Variants in UBXN2A observed in about 807,000 individuals in gnomAD.
The protein encoded by UBXN2A is UBX domain protein 2A.
A neutral mutation model predicts 28.4 loss-of-function variants in UBXN2A; 28 were observed. The observed-to-expected ratio is 0.99, with a 90% CI of 0.73 to 1.35. The LOEUF is 1.35. Among genes scored for constraint, UBXN2A ranks in the 40% most tolerant of loss-of-function variants. The probability of loss-of-function intolerance (pLI) is 0.00; values close to 1 mark genes in which losing one functional copy is unlikely to be tolerated. For synonymous variants in UBXN2A, 97 were observed against 103.6 expected, an observed-to-expected ratio of 0.94 and a Z score of 0.39; for missense variants, 253 against 297.9, an observed-to-expected ratio of 0.85 and a Z score of 1.11.
chr2:23,970,732 A>G (rs760764030), intron 2 of UBXN2A, among the ~76,000 whole-genome samples: 5 of 151,908 alleles, frequency 3.3e-5, no homozygotes, highest in Non-Finnish European at 7.4e-5. Context: ...TTTTCCTGCA[A>G]CTAGATGGTC....
intron 1 of UBXN2A, chr2:23,944,158 C>T (rs1705915772): frequency 6.4e-6 from 7 of 1,098,958 alleles, no homozygotes; most frequent in Admixed American, 1.7e-5. Flanking sequence ...ACTCATTGGT[C>T]CCTGTGTCTG....
chr2:23,944,346 G>A (rs1297237713), intron 1 of UBXN2A: 4 of 1,582,642 alleles, frequency 2.5e-6, no homozygotes, highest in South Asian at 1.1e-5. Context: ...GCTGGCAGCT[G>A]TGTGAAGAAC....
rs765625755 is a variant in UBXN2A, at chr2:23,973,821, G to A, written c.180+2407G>A. ...CTAATTTTTGCATTTTAGTTGAGAC[G>A]GGGTTTCACCATGTTGGACAGGCTG... On this transcript the variant is annotated intron_variant, in intron 3 of 6. Coordinates refer to ENST00000309033, the MANE Select transcript of UBXN2A (RefSeq NM_181713.4). 7.9e-5 allele frequency among the ~76,000 whole-genome samples: 12 copies of A among 151,256 alleles called. No individual in the cohort carries two copies. The East Asian group carries it at 1.2e-3, about 15-fold the overall frequency.
chr2:23,936,545 CAAA>C (rs558126613), upstream of UBXN2A, among the ~76,000 whole-genome samples: 12 of 133,142 alleles, frequency 9.0e-5, no homozygotes, highest in Non-Finnish European at 1.8e-4. Flanking sequence ...AATCCTACCT[CAAA>C]AAAAAAAAGA....
At chr2:23,951,455 T>G (rs1339974382) in intron 1 of UBXN2A, among the ~76,000 whole-genome samples, 1 of 86,150 alleles carries the variant, frequency 1.2e-5, no homozygotes, top group African/African-American at 3.7e-5. Context: ...TATATATATA[T>G]ATATATATAG....
At chr2:23,952,035 C>T (rs550019284) in intron 1 of UBXN2A, among the ~76,000 whole-genome samples, 2 of 146,924 alleles carry the variant, frequency 1.4e-5, no homozygotes, top group Admixed American at 7.0e-5. Context: ...GGTATGATCT[C>T]GGCTCACTGC....
chr2:23,979,389 G>A (rs542440804), intron 4 of UBXN2A, among the ~76,000 whole-genome samples: 1 of 151,816 alleles, frequency 6.6e-6, no homozygotes, highest in Admixed American at 6.6e-5. Context: ...TAACCACTCT[G>A]AAGTAACTGC....
intron 6 of UBXN2A, among the ~76,000 whole-genome samples, chr2:23,995,553 C>T (rs1708497049): frequency 6.6e-6 from 1 of 151,668 alleles, no homozygotes; most frequent in Non-Finnish European, 1.5e-5. Flanking sequence ...ATTAGCCAGG[C>T]GTGGTAGCGG....
intron 6 of UBXN2A, among the ~76,000 whole-genome samples, chr2:23,986,900 G>T (rs1229764069): frequency 6.6e-6 from 1 of 151,798 alleles, no homozygotes; most frequent in Admixed American, 6.6e-5. Flanking sequence ...GAGCCACCGT[G>T]CCCAGCCTTC....
chr2:23,982,870 A>G, intron 4 of UBXN2A, 26 bp from the exon 5 acceptor site: 1 of 1,576,372 alleles, frequency 6.3e-7, no homozygotes, highest in Non-Finnish European at 8.6e-7. Flanking sequence ...TGGGAGCTTT[A>G]TCATTTTCTT....
chr2:23,964,783 C>T (rs1038315410), intron 2 of UBXN2A, among the ~76,000 whole-genome samples: 5 of 152,076 alleles, frequency 3.3e-5, no homozygotes, highest in Non-Finnish European at 5.9e-5. Context: ...ATAAAAAAAA[C>T]TTTTTAGAAA....
intron 2 of UBXN2A, among the ~76,000 whole-genome samples, chr2:23,965,051 G>C (rs751423490): frequency 6.6e-6 from 1 of 151,926 alleles, no homozygotes; most frequent in Non-Finnish European, 1.5e-5. Context: ...CTAATTTTTC[G>C]TATTTTTTTT....
intron 6 of UBXN2A, among the ~76,000 whole-genome samples, chr2:23,990,746 C>A (rs1161058993): frequency 6.6e-6 from 1 of 151,086 alleles, no homozygotes; most frequent in Non-Finnish European, 1.5e-5. Context: ...TGCACTCCAG[C>A]CTGGGTGACA....
At chr2:23,972,795 C>T (rs1452926626) in intron 3 of UBXN2A, among the ~76,000 whole-genome samples, 3 of 152,034 alleles carry the variant, frequency 2.0e-5, no homozygotes, top group African/African-American at 7.2e-5. Flanking sequence ...GCACTCCAGC[C>T]TGGGCGACAG....
intron 1 of UBXN2A, among the ~76,000 whole-genome samples, chr2:23,951,073 G>C (rs1450533107): frequency 6.6e-6 from 1 of 152,052 alleles, no homozygotes; most frequent in Non-Finnish European, 1.5e-5. Context: ...GGTCAAATCA[G>C]GCTAATTACC....
upstream of UBXN2A, among the ~76,000 whole-genome samples, chr2:23,938,184 G>A (rs540902445): frequency 6.3e-4 from 92 of 145,660 alleles, 1 homozygote; most frequent in South Asian, 1.5e-3. Flanking sequence ...TCAATACTCC[G>A]GCTGGGTGTG....
intron 6 of UBXN2A, among the ~76,000 whole-genome samples, chr2:23,995,709 A>AG (rs1416053594): frequency 6.6e-6 from 1 of 151,346 alleles, no homozygotes; most frequent in Non-Finnish European, 1.5e-5. Flanking sequence ...AAAAAAGAAA[A>AG]GAAAAAAAAA....
chr2:23,972,052 C>T (rs1573576010), intron 3 of UBXN2A, among the ~76,000 whole-genome samples: 1 of 152,110 alleles, frequency 6.6e-6, no homozygotes, highest in East Asian at 1.9e-4. Flanking sequence ...TGAGCCATGA[C>T]CGCACCACTG....
chr2:23,949,850 G>A (rs1706274571), intron 1 of UBXN2A, among the ~76,000 whole-genome samples: 1 of 150,720 alleles, frequency 6.6e-6, no homozygotes, highest in African/African-American at 2.4e-5. Flanking sequence ...ACTCTAGCCT[G>A]GGCAACAGAG....
Sources: gnomAD v4.1 joint callset for allele counts (sites outside exome capture counted in the v4.1 genomes callset) on GRCh38, gnomAD v4.1.1 for gene constraint, MANE v1.5 for transcripts, NCBI Gene and HGNC (gene_info 2026-07-23, HGNC 2026-07-21) for gene names.